Variants in MECOM observed in about 807,000 individuals in gnomAD.
MECOM encodes the protein histone-lysine N-methyltransferase MECOM.
MECOM carries 13 observed loss-of-function variants against 116.3 expected under a neutral mutation model. That is an observed-to-expected ratio of 0.11 (90% CI 0.07 to 0.18). The LOEUF (loss-of-function observed/expected upper bound fraction) is 0.18. MECOM is among the 10% of genes least tolerant of loss of function. MECOM has a pLI of 1.00. For synonymous variants in MECOM, 528 were observed against 535.2 expected, an observed-to-expected ratio of 0.99 and a Z score of 0.19; for missense variants, 1,299 against 1,509.0, an observed-to-expected ratio of 0.86 and a Z score of 2.31.
At chr3:169,255,475 T>C (rs2149594560) in intron 2 of MECOM, among the ~76,000 whole-genome samples, 1 of 152,150 alleles carries the variant, frequency 6.6e-6, no homozygotes, top group South Asian at 2.1e-4. Context: ...AAAGAAAACG[T>C]GTGGCTCAGG....
rs924711536 is a variant in MECOM, at chr3:169,244,387, C to T, written c.376-100555G>A. Among the ~76,000 whole-genome samples the T allele has an allele frequency of 2.6e-5, 4 of 152,188 alleles. No homozygotes were observed. The South Asian group carries it at 6.2e-4, about 24-fold the overall frequency. ...GGAGCCGGAGCTACAGTTGGCTTAA[C>T]ATCTGTGCATCACATTTGCCATGTG... On this transcript the variant is annotated intron_variant, in intron 2 of 16. Transcript: ENST00000651503.
intron 10 of MECOM, among the ~76,000 whole-genome samples, chr3:169,105,802 T>C (rs1191383394): frequency 6.6e-6 from 1 of 152,146 alleles, no homozygotes; most frequent in African/African-American, 2.4e-5. Context: ...AAGAGGCTAT[T>C]AACTTTATAC....
intron 2 of MECOM, among the ~76,000 whole-genome samples, chr3:169,168,486 A>G (rs1196549634): frequency 6.6e-6 from 1 of 152,122 alleles, no homozygotes; most frequent in Non-Finnish European, 1.5e-5. Flanking sequence ...CAGTTTTTAC[A>G]TTAAAATCCT....
intron 1 of MECOM, among the ~76,000 whole-genome samples, chr3:169,471,363 GAA>G (rs34583012): frequency 0.023 from 3,411 of 146,032 alleles, 134 homozygotes; most frequent in African/African-American, 0.08. Context: ...TTTACCTCAG[GAA>G]AAAAAAAAAA....
chr3:169,533,415 A>G (rs2109163754), intron 1 of MECOM, among the ~76,000 whole-genome samples: 1 of 152,024 alleles, frequency 6.6e-6, no homozygotes, highest in South Asian at 2.1e-4. Context: ...CCTTCTTTCC[A>G]ACACCTGGTT....
intron 1 of MECOM, among the ~76,000 whole-genome samples, chr3:169,486,785 A>G (rs1180065630): frequency 1.3e-5 from 2 of 152,244 alleles, no homozygotes; most frequent in East Asian, 3.9e-4. Context: ...TAGGCTCTAC[A>G]AGATTTTCTC....
chr3:169,305,651 G>A (rs1325852244), intron 2 of MECOM, among the ~76,000 whole-genome samples: 1 of 152,210 alleles, frequency 6.6e-6, no homozygotes, highest in Admixed American at 6.5e-5. Context: ...CAGAGTTGCT[G>A]AAATATATGA....
intron 1 of MECOM, among the ~76,000 whole-genome samples, chr3:169,466,320 C>T (rs77202650): frequency 0.017 from 2,538 of 152,296 alleles, 63 homozygotes; most frequent in East Asian, 0.088. Flanking sequence ...AACTGGGGTG[C>T]TCCAACATTG....
chr3:169,471,457 G>A (rs1161406013), intron 1 of MECOM, among the ~76,000 whole-genome samples: 5 of 111,604 alleles, frequency 4.5e-5, no homozygotes, highest in Admixed American at 8.6e-5. Flanking sequence ...AATGAAAGCA[G>A]ATTTATCATT....
At chr3:169,319,251 AG>A (rs755241489) in intron 2 of MECOM, among the ~76,000 whole-genome samples, 12 of 152,242 alleles carry the variant, frequency 7.9e-5, no homozygotes, top group Non-Finnish European at 1.6e-4. Context: ...AGCCATAAAA[AG>A]GATGAGTTCA....
At chr3:169,443,640 T>A (rs149003063) in intron 1 of MECOM, among the ~76,000 whole-genome samples, 122 of 152,282 alleles carry the variant, frequency 8.0e-4, no homozygotes, top group Non-Finnish European at 1.6e-3. Context: ...TCTTATCCAA[T>A]CCCATGGCAT....
chr3:169,374,597 G>A (rs940944563), intron 2 of MECOM, among the ~76,000 whole-genome samples: 1 of 151,928 alleles, frequency 6.6e-6, no homozygotes, highest in Non-Finnish European at 1.5e-5. Context: ...CCAGAAGCCT[G>A]CTTTCTACTG....
At chr3:169,529,176 G>A (rs1044562591) in intron 1 of MECOM, among the ~76,000 whole-genome samples, 16 of 152,102 alleles carry the variant, frequency 1.1e-4, no homozygotes, top group Non-Finnish European at 1.6e-4. Context: ...CCAGTCAAAG[G>A]AAGGAGCTGC....
intron 9 of MECOM, among the ~76,000 whole-genome samples, chr3:169,109,288 G>T (rs1726508251): frequency 6.6e-6 from 1 of 152,148 alleles, no homozygotes; most frequent in Non-Finnish European, 1.5e-5. Flanking sequence ...ATTTGTAAAA[G>T]AAAACTAGAA....
chr3:169,202,193 A>G (rs915797364), intron 2 of MECOM, among the ~76,000 whole-genome samples: 2 of 152,178 alleles, frequency 1.3e-5, no homozygotes, highest in African/African-American at 4.8e-5. Context: ...ACAAAAAGTG[A>G]AGACAAAAAA....
At chr3:169,590,535 G>A (rs988698365) in intron 1 of MECOM, among the ~76,000 whole-genome samples, 7 of 152,136 alleles carry the variant, frequency 4.6e-5, no homozygotes, top group African/African-American at 1.2e-4. Flanking sequence ...TCCTTTTCTC[G>A]AAAATTCAGG....
intron 9 of MECOM, 88 bp downstream of exon 9, chr3:169,112,699 C>A: frequency 9.9e-7 from 1 of 1,007,736 alleles, no homozygotes; most frequent in South Asian, 1.4e-5. Flanking sequence ...TCCTAATGTT[C>A]TCAAGATGTC....
intron 1 of MECOM, among the ~76,000 whole-genome samples, chr3:169,641,042 G>A (rs187207999): frequency 5.9e-5 from 9 of 152,334 alleles, no homozygotes; most frequent in Admixed American, 3.9e-4. Context: ...AGGCAGCACT[G>A]GGAGGGCAGA....
At chr3:169,221,441 T>G (rs1246424133) in intron 2 of MECOM, among the ~76,000 whole-genome samples, 1 of 152,182 alleles carries the variant, frequency 6.6e-6, no homozygotes, top group Non-Finnish European at 1.5e-5. Context: ...AAATAATTGT[T>G]TCCTGCCTTC....
Sources: gnomAD v4.1 joint callset for allele counts (sites outside exome capture counted in the v4.1 genomes callset) on GRCh38, gnomAD v4.1.1 for gene constraint, MANE v1.5 for transcripts, NCBI Gene and HGNC (gene_info 2026-07-23, HGNC 2026-07-21) for gene names.